Variants in GTF2IRD1 observed in about 807,000 individuals in gnomAD.
GTF2IRD1 encodes general transcription factor II-I repeat domain-containing protein 1.
A neutral mutation model predicts 113.2 loss-of-function variants in GTF2IRD1; 26 were observed. That is an observed-to-expected ratio of 0.23 (90% confidence interval 0.17 to 0.32). GTF2IRD1 has a LOEUF of 0.32. Ranked by LOEUF, GTF2IRD1 falls within the 10% of genes least tolerant of loss-of-function variation. The probability of loss-of-function intolerance (pLI) is 1.00; values close to 1 mark genes in which losing one functional copy is unlikely to be tolerated. For missense variants in GTF2IRD1, 864 were observed against 1,280.8 expected, an observed-to-expected ratio of 0.67 and a Z score of 4.97; for synonymous variants, 484 against 529.1, an observed-to-expected ratio of 0.91 and a Z score of 1.17.
At position 74,462,226 on chromosome 7, in the gene GTF2IRD1, G is replaced by A. The variant is rs563198552; in HGVS notation, c.-7+8050G>A. On this transcript the variant is annotated intron_variant, in intron 1 of 26. Coordinates refer to ENST00000424337, the MANE Select transcript of GTF2IRD1 (RefSeq NM_005685.4). Reference sequence around the variant, plus strand: ...CCGTCTCTTAAAAAAAAAATTAGCCGGGTGTGGTGATGTGTGCCTGTAGCC... The same window carrying A: ...CCGTCTCTTAAAAAAAAAATTAGCCAGGTGTGGTGATGTGTGCCTGTAGCC... Among the ~76,000 whole-genome samples the A allele has an allele frequency of 3.3e-5, 5 of 151,718 alleles. No individual in the cohort carries two copies. The East Asian group carries it at 5.8e-4, about 18-fold the overall frequency.
At position 74,559,059 on chromosome 7, in the gene GTF2IRD1, G is replaced by A; in HGVS notation, c.2291+15G>A. ...ACAGTCACCAGGTACTCAGTGGGAA[G>A]GGTGAGGGTGAAGAGGCAGGACTAG... is the stretch of plus-strand genomic sequence containing the variant. On this transcript the variant is annotated intron_variant, in intron 21 of 26. Transcript: ENST00000424337. 1 of 1,609,262 alleles carries A rather than the reference G, an allele frequency of 6.2e-7. No individual in the cohort carries two copies. Among genetic ancestry groups the A allele is most frequent in the Non-Finnish European group, 8.5e-7 (1 of 1,176,744 alleles).
rs201326631 is a variant in GTF2IRD1 at position 74,467,697 on chromosome 7, T to G, written c.-7+13521T>G. Among the ~76,000 whole-genome samples, 112 of 151,974 alleles carry G rather than the reference T, an allele frequency of 7.4e-4. 1 individual carries two copies. Among genetic ancestry groups the G allele is most frequent in the South Asian group, 4.2e-4 (2 of 4,808 alleles). ...TGTATTTTATTTTGTATTTAATTTT[T>G]TATTTTTATTTTTTGAGTCAGAATC... On this transcript the variant is annotated intron_variant, in intron 1 of 26. Transcript: ENST00000424337.
intron 22 of GTF2IRD1, among the ~76,000 whole-genome samples, chr7:74,571,698 C>T (rs1273255713): frequency 1.3e-5 from 2 of 151,950 alleles, no homozygotes; most frequent in Non-Finnish European, 2.9e-5. Flanking sequence ...CCTGTCTCGA[C>T]AAAAAATAAA....
At chr7:74,473,428 CTT>C (rs1217283077) in intron 1 of GTF2IRD1, among the ~76,000 whole-genome samples, 22 of 141,424 alleles carry the variant, frequency 1.6e-4, no homozygotes, top group East Asian at 2.1e-4. Context: ...CAGCTCAGGG[CTT>C]TTTTTTTTTT....
At chr7:74,601,496 G>C (rs1215975582) in intron 26 of GTF2IRD1, 6 of 1,432,724 alleles carry the variant, frequency 4.2e-6, no homozygotes, top group Non-Finnish European at 4.6e-6. Context: ...ATGGCTGGCG[G>C]GTGCAGTGGC....
chr7:74,455,381 C>T (rs1792900493), intron 1 of GTF2IRD1, among the ~76,000 whole-genome samples: 3 of 152,208 alleles, frequency 2.0e-5, no homozygotes, highest in Admixed American at 1.3e-4. Flanking sequence ...CGCGCCGCTG[C>T]CATGGTCGGC....
chr7:74,596,459 C>CAAA (rs1184751959), intron 25 of GTF2IRD1, among the ~76,000 whole-genome samples: 2 of 60,496 alleles, frequency 3.3e-5, no homozygotes, highest in African/African-American at 6.8e-5. Context: ...GACTCTGTCT[C>CAAA]AAAAAAAAAA....
At chr7:74,548,092 T>C (rs1799065904) in intron 17 of GTF2IRD1, among the ~76,000 whole-genome samples, 1 of 152,130 alleles carries the variant, frequency 6.6e-6, no homozygotes, top group Admixed American at 6.6e-5. Context: ...ACAGCACCCA[T>C]GGACATACCC....
chr7:74,484,517 G>A (rs1169194955), intron 1 of GTF2IRD1, among the ~76,000 whole-genome samples: 1 of 149,038 alleles, frequency 6.7e-6, no homozygotes, highest in African/African-American at 2.5e-5. Flanking sequence ...GGAGCGAAGT[G>A]GTGCGATCTT....
At chr7:74,456,452 G>A (rs1319694960) in intron 1 of GTF2IRD1, among the ~76,000 whole-genome samples, 1 of 152,138 alleles carries the variant, frequency 6.6e-6, no homozygotes, top group African/African-American at 2.4e-5. Flanking sequence ...GGGAGGCCGA[G>A]GTGGGTGGAT....
intron 1 of GTF2IRD1, among the ~76,000 whole-genome samples, chr7:74,458,149 G>A (rs1793115209): frequency 6.6e-6 from 1 of 152,118 alleles, no homozygotes; most frequent in Non-Finnish European, 1.5e-5. Flanking sequence ...GGGATTGCAG[G>A]CATGAGACAC....
chr7:74,578,315 A>ACT (rs1193348035), intron 22 of GTF2IRD1, among the ~76,000 whole-genome samples: 7 of 151,978 alleles, frequency 4.6e-5, no homozygotes, highest in Non-Finnish European at 1.0e-4. Flanking sequence ...CCTTCCGAGT[A>ACT]GCTGGGACTA....
chr7:74,589,877 G>A lies in GTF2IRD1; in HGVS notation c.2347G>A (p.Glu783Lys). 1 of 1,612,516 alleles carries A rather than the reference G, an allele frequency of 6.2e-7. No individual in the cohort carries two copies. The highest frequency in any genetic ancestry group is 2.2e-5 in the East Asian group (1 of 44,864). Reference sequence around the variant, plus strand: ...TGAAGATGACGCCAACAGACTCGGGGAGAAGGTGATCCTGCGGGAGCAGGT... The same window carrying A: ...TGAAGATGACGCCAACAGACTCGGGAAGAAGGTGATCCTGCGGGAGCAGGT... ...PDEDDANRLG[E>K]KVILREQVKE... Residue 783 changes from glutamate to lysine, a missense_variant, in exon 23 of 27, where the codon GAG becomes AAG. Transcript: ENST00000424337.
At chr7:74,491,419 T>C (rs1554336680) in intron 1 of GTF2IRD1, among the ~76,000 whole-genome samples, 3 of 151,598 alleles carry the variant, frequency 2.0e-5, no homozygotes, top group Non-Finnish European at 4.4e-5. Flanking sequence ...GATTCTTTTT[T>C]CACCCAGGTA....
At chr7:74,541,939 G>GATAGATAGATAGATAGATAT (rs1798659798) in intron 14 of GTF2IRD1, among the ~76,000 whole-genome samples, 1 of 140,098 alleles carries the variant, frequency 7.1e-6, no homozygotes, top group Non-Finnish European at 1.5e-5. Context: ...TAGATAGATA[G>GATAGATAGATAGATAGATAT]ATAAAAATTA....
intron 22 of GTF2IRD1, chr7:74,571,213 C>T: frequency 1.5e-6 from 1 of 670,508 alleles, no homozygotes; most frequent in Non-Finnish European, 1.8e-6. Flanking sequence ...AGTTTCCCTA[C>T]TTGTAAAATG....
chr7:74,523,594 C>T (rs1797416998), intron 7 of GTF2IRD1, among the ~76,000 whole-genome samples: 1 of 151,778 alleles, frequency 6.6e-6, no homozygotes, highest in South Asian at 2.1e-4. Context: ...GTGGCAGGTG[C>T]CCTGTAATCC....
At chr7:74,574,150 A>ATTTT (rs71094796) in intron 22 of GTF2IRD1, among the ~76,000 whole-genome samples, 9 of 104,818 alleles carry the variant, frequency 8.6e-5, no homozygotes, top group East Asian at 2.6e-4. Flanking sequence ...CACCAAGCTA[A>ATTTT]TTTTTTTTTT....
chr7:74,594,343 G>A (rs781864662), intron 24 of GTF2IRD1, among the ~76,000 whole-genome samples: 7 of 152,040 alleles, frequency 4.6e-5, no homozygotes, highest in Non-Finnish European at 7.4e-5. Context: ...TGGCACCACC[G>A]AACTCCAGCC....
Sources: allele counts gnomAD v4.1 joint callset (sites outside exome capture counted in the v4.1 genomes callset), GRCh38; gene constraint gnomAD v4.1.1; transcripts MANE v1.5; gene names NCBI Gene and HGNC (gene_info 2026-07-23, HGNC 2026-07-21).